PRRG1: variants seen among roughly 807,000 people sequenced by gnomAD.
PRRG1 encodes the protein transmembrane gamma-carboxyglutamic acid protein 1.
Under a neutral mutation model 11.8 loss-of-function variants are expected in PRRG1, and 5 were observed. The ratio of observed to expected loss-of-function variants is 0.42; its 90% CI spans 0.22 to 0.89. PRRG1 has a LOEUF of 0.89. Ranked by LOEUF, PRRG1 falls within the 40% of genes least tolerant of loss-of-function variation. The pLI is 0.28. For synonymous variants in PRRG1, 66 were observed against 60.4 expected (o/e 1.09, Z -0.43); for missense variants, 155 against 166.1 (o/e 0.93, Z 0.37).
intron 1 of PRRG1, among the ~76,000 whole-genome samples, chrX:37,397,502 T>C (rs1556378541): frequency 8.9e-6 from 1 of 112,461 alleles, no homozygotes; most frequent in Non-Finnish European, 1.9e-5. Context: ...AATTGCTTAC[T>C]CTTTGAGAAT....
At chrX:37,450,298 C>T (rs1921072838) in intron 3 of PRRG1, among the ~76,000 whole-genome samples, 1 of 112,089 alleles carries the variant, frequency 8.9e-6, no homozygotes, top group Non-Finnish European at 1.9e-5. Flanking sequence ...GCCTCCCTTT[C>T]CTCATCTGCA....
Position 37,401,635 on chromosome X carries a change from T to G in PRRG1, c.-41-4574T>G, listed in dbSNP as rs1197961029. 5.1e-4 allele frequency among the ~76,000 whole-genome samples: 56 copies of G among 110,309 alleles called. 1 individual carries two copies. In the South Asian group the frequency reaches 0.021, roughly 42 times the overall value. On this transcript the variant is annotated intron_variant, in intron 1 of 3. Transcript: ENST00000378628. ...ACATAGTGTTGGAAGTTCTGGCCAG[T>G]GCAATTAGGCAGGAGAAAGAAATAA...
At chrX:37,399,536 T>G (rs1483409664) in intron 1 of PRRG1, among the ~76,000 whole-genome samples, 2 of 109,163 alleles carry the variant, frequency 1.8e-5, no homozygotes, top group Non-Finnish European at 3.8e-5. Flanking sequence ...CATGCCAAAT[T>G]GTAAAGACCA....
intron 3 of PRRG1, among the ~76,000 whole-genome samples, chrX:37,435,727 G>GA (rs1216409685): frequency 6.4e-5 from 7 of 109,021 alleles, no homozygotes; most frequent in Non-Finnish European, 1.1e-4. Flanking sequence ...TCAAGGTCAT[G>GA]AAAAAAAAAT....
chrX:37,423,664 C>T (rs975959056), intron 2 of PRRG1, among the ~76,000 whole-genome samples: 1 of 110,128 alleles, frequency 9.1e-6, no homozygotes, highest in Non-Finnish European at 1.9e-5. Context: ...TTACTGCTCC[C>T]AGCCAAAATA....
chrX:37,403,334 A>G (rs1319480387), intron 1 of PRRG1, among the ~76,000 whole-genome samples: 1 of 109,049 alleles, frequency 9.2e-6, no homozygotes, highest in Non-Finnish European at 1.9e-5. Flanking sequence ...TTGTAGGGAC[A>G]TGGATGAAAT....
intron 1 of PRRG1, among the ~76,000 whole-genome samples, chrX:37,403,343 A>G (rs1232151847): frequency 1.8e-5 from 2 of 108,519 alleles, no homozygotes; most frequent in Non-Finnish European, 3.8e-5. Context: ...CATGGATGAA[A>G]TTGGAAATCA....
At chrX:37,414,778 AC>A (rs1932442655) in intron 2 of PRRG1, among the ~76,000 whole-genome samples, 1 of 112,573 alleles carries the variant, frequency 8.9e-6, no homozygotes, top group African/African-American at 3.2e-5. Flanking sequence ...ATTACCATCC[AC>A]CTTTTGAGGC....
At chrX:37,400,873 A>T (rs1444507594) in intron 1 of PRRG1, among the ~76,000 whole-genome samples, 2 of 112,092 alleles carry the variant, frequency 1.8e-5, no homozygotes, top group Non-Finnish European at 3.8e-5. Flanking sequence ...CAAATAAACT[A>T]GAAAATATAG....
chrX:37,444,625 C>T (rs1288201611), intron 3 of PRRG1, among the ~76,000 whole-genome samples: 1 of 111,612 alleles, frequency 9.0e-6, no homozygotes, highest in Non-Finnish European at 1.9e-5. Context: ...CATCACCCTC[C>T]ACTCAATTCT....
At chrX:37,392,929 A>C (rs1460327342) in intron 1 of PRRG1, among the ~76,000 whole-genome samples, 1 of 111,578 alleles carries the variant, frequency 9.0e-6, no homozygotes, top group East Asian at 2.8e-4. Flanking sequence ...TGTATTGCTT[A>C]CTGTTGGATT....
At chrX:37,436,823 C>G (rs1932889737) in intron 3 of PRRG1, among the ~76,000 whole-genome samples, 1 of 112,080 alleles carries the variant, frequency 8.9e-6, no homozygotes, top group African/African-American at 3.2e-5. Flanking sequence ...CTTCTTCTAG[C>G]CATACCTTAT....
At chrX:37,440,594 A>G (rs187024641) in intron 3 of PRRG1, among the ~76,000 whole-genome samples, 13 of 112,380 alleles carry the variant, frequency 1.2e-4, no homozygotes, top group African/African-American at 4.2e-4. Context: ...AAAATTTTCA[A>G]TGCTACAGAG....
intron 2 of PRRG1, among the ~76,000 whole-genome samples, chrX:37,423,332 A>T (rs2146604202): frequency 9.1e-6 from 1 of 110,397 alleles, no homozygotes; most frequent in Non-Finnish European, 1.9e-5. Context: ...ATAAGGATAT[A>T]TATAAAGAAA....
At chrX:37,445,042 G>T (rs1933049413) in intron 3 of PRRG1, among the ~76,000 whole-genome samples, 1 of 111,391 alleles carries the variant, frequency 9.0e-6, no homozygotes, top group Non-Finnish European at 1.9e-5. Context: ...CCTTCATCTG[G>T]ATGTTTGGAG....
At chrX:37,417,393 T>C (rs1039618441) in intron 2 of PRRG1, among the ~76,000 whole-genome samples, 1 of 111,542 alleles carries the variant, frequency 9.0e-6, no homozygotes, top group Non-Finnish European at 1.9e-5. Flanking sequence ...CTATATGCTA[T>C]ACTAAACTCT....
intron 2 of PRRG1, among the ~76,000 whole-genome samples, chrX:37,413,392 G>A (rs1932404475): frequency 9.0e-6 from 1 of 110,839 alleles, no homozygotes; most frequent in South Asian, 3.9e-4. Flanking sequence ...AGATTGAAGA[G>A]AAAGAAGCCT....
intron 3 of PRRG1, among the ~76,000 whole-genome samples, chrX:37,439,012 T>A (rs1932928388): frequency 8.9e-6 from 1 of 111,923 alleles, no homozygotes; most frequent in Admixed American, 9.5e-5. Flanking sequence ...TCAGTAACTA[T>A]AGAAATAAGA....
At chrX:37,373,506 C>T (rs1288421817) in intron 1 of PRRG1, among the ~76,000 whole-genome samples, 5 of 111,870 alleles carry the variant, frequency 4.5e-5, no homozygotes, top group Admixed American at 3.8e-4. Flanking sequence ...ACAACTTTTA[C>T]ATCCTTGGTT....
Sources: gnomAD v4.1 joint callset for allele counts (sites outside exome capture counted in the v4.1 genomes callset) on GRCh38, gnomAD v4.1.1 for gene constraint, MANE v1.5 for transcripts, NCBI Gene and HGNC (gene_info 2026-07-23, HGNC 2026-07-21) for gene names.